Variants in TTC39C observed in about 807,000 individuals in gnomAD.
TTC39C encodes the protein tetratricopeptide repeat domain 39C, also known as tetratricopeptide repeat protein 39C.
In TTC39C, 33 loss-of-function variants were observed where a neutral mutation model predicts 76.3. The ratio of observed to expected loss-of-function variants is 0.43; its 90% CI spans 0.33 to 0.58. The LOEUF (loss-of-function observed/expected upper bound fraction) is 0.58, where lower values mean the gene tolerates loss of function less well. Among genes scored for constraint, TTC39C ranks in the 20% least tolerant of loss-of-function variants. TTC39C has a pLI of 0.04. For synonymous variants in TTC39C, 254 were observed against 260.6 expected (o/e 0.97, Z 0.24); for missense variants, 595 against 701.4 (o/e 0.85, Z 1.71).
intron 4 of TTC39C, among the ~76,000 whole-genome samples, chr18:24,079,707 A>G (rs1470165647): frequency 6.6e-6 from 1 of 150,874 alleles, no homozygotes; most frequent in Non-Finnish European, 1.5e-5. Context: ...TAAACTGGCT[A>G]TTTGTTTACC....
intron 13 of TTC39C, 63 bp downstream of exon 13, chr18:24,131,983 G>C (rs1366791749): frequency 1.4e-6 from 2 of 1,469,246 alleles, no homozygotes; most frequent in Admixed American, 2.2e-5. Flanking sequence ...GTATACCTGA[G>C]TCTGAATTCA....
intron 6 of TTC39C, 193 bp from the exon 7 acceptor site, chr18:24,114,361 C>G: frequency 2.0e-6 from 1 of 499,096 alleles, no homozygotes; most frequent in East Asian, 3.7e-5. Flanking sequence ...GAGAGGTTCT[C>G]TGTGCTTAGG....
chr18:23,997,238 A>T (rs1383532001), intron 1 of TTC39C, among the ~76,000 whole-genome samples: 1 of 151,936 alleles, frequency 6.6e-6, no homozygotes, highest in African/African-American at 2.4e-5. Flanking sequence ...GCAACACAGC[A>T]AGACCCTGTC....
chr18:24,092,584 A>G (rs2084537486), intron 6 of TTC39C, among the ~76,000 whole-genome samples: 1 of 152,236 alleles, frequency 6.6e-6, no homozygotes, highest in Non-Finnish European at 1.5e-5. Flanking sequence ...ATACTATAGC[A>G]TGGAGGAACC....
upstream of TTC39C, among the ~76,000 whole-genome samples, chr18:24,014,070 C>T (rs1389521772): frequency 6.6e-6 from 1 of 152,258 alleles, no homozygotes; most frequent in African/African-American, 2.4e-5. Context: ...GGGGCTCTGC[C>T]TTGCAGTCCC....
chr18:23,993,773 G>GA (rs1346316866), intron 1 of TTC39C, among the ~76,000 whole-genome samples: 1 of 151,960 alleles, frequency 6.6e-6, no homozygotes, highest in African/African-American at 2.4e-5. Flanking sequence ...GAAAATCTAT[G>GA]AAAAAAATTA....
chr18:24,112,865 A>G (rs1447109300), intron 6 of TTC39C, among the ~76,000 whole-genome samples: 3 of 152,232 alleles, frequency 2.0e-5, no homozygotes, highest in African/African-American at 7.2e-5. Context: ...AGAACTGTTG[A>G]TCCCAAAAGG....
chr18:24,091,926 A>G (rs927280572), intron 6 of TTC39C, among the ~76,000 whole-genome samples: 1 of 148,768 alleles, frequency 6.7e-6, no homozygotes, highest in African/African-American at 2.5e-5. Context: ...TGTCTCTACT[A>G]AAAAAAAATG....
chr18:24,124,003 G>T, intron 9 of TTC39C, 60 bp downstream of exon 9: 1 of 1,269,898 alleles, frequency 7.9e-7, no homozygotes. Context: ...AACCAACACT[G>T]CCTTGGCAAG....
chr18:24,056,557 T>TTGTGAGAA (rs2084018817), intron 1 of TTC39C, among the ~76,000 whole-genome samples: 2 of 105,370 alleles, frequency 1.9e-5, no homozygotes, highest in Admixed American at 1.2e-4. Flanking sequence ...AATATATACA[T>TTGTGAGAA]TCTCTTCCAC....
intron 1 of TTC39C, among the ~76,000 whole-genome samples, chr18:24,026,596 A>G (rs9966925): frequency 0.054 from 8,190 of 152,186 alleles, 583 homozygotes; most frequent in African/African-American, 0.17. Context: ...ATCCCATAAT[A>G]CATGTTAGCT....
chr18:24,024,012 A>ATTTTT (rs1568409158), intron 1 of TTC39C, among the ~76,000 whole-genome samples: 1 of 6,266 alleles, frequency 1.6e-4, no homozygotes, highest in Non-Finnish European at 2.8e-4. Flanking sequence ...ATATATATAT[A>ATTTTT]TATATTTTTT....
intron 1 of TTC39C, among the ~76,000 whole-genome samples, chr18:24,043,276 T>C (rs1216963885): frequency 1.3e-5 from 2 of 152,176 alleles, no homozygotes; most frequent in Admixed American, 1.3e-4. Flanking sequence ...GTGGGAGGAT[T>C]GCTTAAGTTG....
At position 24,014,970 on chromosome 18, in the gene TTC39C, C is replaced by G. The variant is rs1411862151; in HGVS notation, c.99C>G (p.Ala33=). Reference sequence around the variant, plus strand: ...CGCCCCTGCAGGACGCGGAGCTGGCCCTGGCCGGCATCAACATGCTGCTCA... The same window carrying G: ...CGCCCCTGCAGGACGCGGAGCTGGCGCTGGCCGGCATCAACATGCTGCTCA... ...AAAPLQDAEL[A]LAGINMLLNN... The change falls in exon 1 of 14, where the codon GCC becomes GCG. Residue 33 remains alanine (A), a synonymous_variant. Coordinates refer to ENST00000317571, the MANE Select transcript of TTC39C (RefSeq NM_001135993.2). 5 of 1,530,314 alleles carry G rather than the reference C, an allele frequency of 3.3e-6. No homozygotes were observed. Among genetic ancestry groups the G allele is most frequent in the South Asian group, 1.2e-5 (1 of 81,666 alleles). 94.8% of individuals were successfully genotyped at this position (1,530,314 alleles called of 1,614,324 possible). A position where few individuals can be genotyped will look rare whatever the true frequency, so the allele number is the denominator to read the frequency against.
At chr18:24,033,406 A>G (rs555124553) in intron 1 of TTC39C, among the ~76,000 whole-genome samples, 1 of 152,310 alleles carries the variant, frequency 6.6e-6, no homozygotes, top group African/African-American at 2.4e-5. Context: ...CTCCTGACAC[A>G]GGGTTTTCAT....
chr18:24,075,395 G>GA (rs2084291247), intron 4 of TTC39C, among the ~76,000 whole-genome samples: 1 of 152,156 alleles, frequency 6.6e-6, no homozygotes, highest in African/African-American at 2.4e-5. Flanking sequence ...AAAGTCTTGG[G>GA]CCAGGAACAG....
At chr18:23,996,511 C>G (rs571934827) in intron 1 of TTC39C, among the ~76,000 whole-genome samples, 1 of 152,216 alleles carries the variant, frequency 6.6e-6, no homozygotes, top group Admixed American at 6.5e-5. Flanking sequence ...TGCATATACT[C>G]ATCATAAGGC....
intron 6 of TTC39C, among the ~76,000 whole-genome samples, chr18:24,085,584 C>A (rs1000286046): frequency 6.6e-6 from 1 of 152,166 alleles, no homozygotes; most frequent in African/African-American, 2.4e-5. Context: ...GAAGCCACAG[C>A]TTCATCAAAG....
At chr18:24,056,071 G>A (rs2084012399) in intron 1 of TTC39C, among the ~76,000 whole-genome samples, 1 of 152,198 alleles carries the variant, frequency 6.6e-6, no homozygotes, top group South Asian at 2.1e-4. Flanking sequence ...AGGCATTAGA[G>A]AAGCATTCAG....
Sources: allele counts gnomAD v4.1 joint callset (sites outside exome capture counted in the v4.1 genomes callset), GRCh38; gene constraint gnomAD v4.1.1; transcripts MANE v1.5; gene names NCBI Gene and HGNC (gene_info 2026-07-23, HGNC 2026-07-21).